Variants in NRXN3 observed in about 807,000 individuals in gnomAD.
NRXN3 encodes neurexin III.
A neutral mutation model predicts 137.6 loss-of-function variants in NRXN3; 32 were observed. The ratio of observed to expected loss-of-function variants is 0.23; its 90% CI spans 0.18 to 0.31. The LOEUF is 0.31. Ranked by LOEUF, NRXN3 falls within the 10% of genes least tolerant of loss-of-function variation. The pLI is 1.00. For missense variants in NRXN3, 1,574 were observed against 2,062.5 expected (o/e 0.76, Z 4.59); for synonymous variants, 798 against 784.5 (o/e 1.02, Z -0.29).
At chr14:78,861,658 T>A (rs1257216284) in intron 10 of NRXN3, among the ~76,000 whole-genome samples, 3 of 152,162 alleles carry the variant, frequency 2.0e-5, no homozygotes, top group Non-Finnish European at 2.9e-5. Flanking sequence ...AGAGAAACCA[T>A]CCATGTTCAC....
At chr14:79,140,573 C>CTGTGTGTG (rs3035591) in intron 15 of NRXN3, among the ~76,000 whole-genome samples, 5,917 of 143,828 alleles carry the variant, frequency 0.041, 172 homozygotes, top group African/African-American at 0.07. Context: ...CCCCACCTCA[C>CTGTGTGTG]TGTGTGTGTG....
At chr14:78,902,836 T>C (rs981620552) in intron 10 of NRXN3, among the ~76,000 whole-genome samples, 35 of 151,316 alleles carry the variant, frequency 2.3e-4, no homozygotes, top group African/African-American at 8.2e-4. Context: ...GAAATACATA[T>C]ATTAAATATT....
intron 16 of NRXN3, among the ~76,000 whole-genome samples, chr14:79,496,480 C>A (rs1221662852): frequency 6.6e-6 from 1 of 152,140 alleles, no homozygotes; most frequent in African/African-American, 2.4e-5. Flanking sequence ...ACAGTGTAGT[C>A]ATTCTTGGTG....
intron 4 of NRXN3, among the ~76,000 whole-genome samples, chr14:78,340,552 C>A (rs929826425): frequency 6.6e-6 from 1 of 152,106 alleles, no homozygotes; most frequent in Non-Finnish European, 1.5e-5. Context: ...ACATCCAGGG[C>A]CTTAGTGTTG....
At chr14:78,269,218 A>C (rs969520822) in intron 2 of NRXN3, among the ~76,000 whole-genome samples, 22 of 152,182 alleles carry the variant, frequency 1.4e-4, no homozygotes, top group African/African-American at 5.1e-4. Flanking sequence ...GGCTTCTGTA[A>C]CTAAAATGTG....
chr14:79,577,813 G>T (rs913770145), intron 16 of NRXN3, among the ~76,000 whole-genome samples: 2 of 152,120 alleles, frequency 1.3e-5, no homozygotes, highest in Admixed American at 1.3e-4. Flanking sequence ...TTTGAGGTCC[G>T]GATCAATACA....
intron 15 of NRXN3, among the ~76,000 whole-genome samples, chr14:79,346,964 G>A (rs2092918901): frequency 6.6e-6 from 1 of 152,082 alleles, no homozygotes; most frequent in Non-Finnish European, 1.5e-5. Context: ...TTAATACACT[G>A]AAAATGCCAC....
intron 4 of NRXN3, among the ~76,000 whole-genome samples, chr14:78,341,133 G>C (rs1279883858): frequency 6.6e-6 from 1 of 152,066 alleles, no homozygotes; most frequent in East Asian, 1.9e-4. Context: ...TGCAACTTTG[G>C]TAATAGTGGC....
rs2099418745 is a variant in NRXN3, at chr14:79,868,069, A to C, written c.*6105A>C. On this transcript the variant is annotated 3_prime_UTR_variant, in exon 21 of 21. Transcript: ENST00000335750. ...GCTAAGGCTCAGCTTTCATACCTAT[A>C]ATTTTGTTATACTTATCTTGCAGGT... The C allele has an allele frequency of 6.6e-6, 1 of 152,114 alleles. No individual in the cohort carries two copies. Among genetic ancestry groups the C allele is most frequent in the Admixed American group, 6.5e-5 (1 of 15,278 alleles). 9.4% of individuals were successfully genotyped at this position (152,114 alleles called of 1,614,324 possible).
intron 10 of NRXN3, among the ~76,000 whole-genome samples, chr14:78,868,596 G>A (rs1019994427): frequency 1.3e-5 from 2 of 152,014 alleles, no homozygotes; most frequent in African/African-American, 4.8e-5. Context: ...GAGGTGGGTG[G>A]ATCACCTGAG....
intron 8 of NRXN3, among the ~76,000 whole-genome samples, chr14:78,801,205 C>T (rs1366142256): frequency 1.3e-5 from 2 of 152,102 alleles, no homozygotes; most frequent in African/African-American, 2.4e-5. Context: ...CCTGTAGTCC[C>T]AGCTACTTGC....
intron 19 of NRXN3, among the ~76,000 whole-genome samples, chr14:79,738,580 C>A (rs1375349059): frequency 6.6e-6 from 1 of 152,134 alleles, no homozygotes; most frequent in African/African-American, 2.4e-5. Context: ...TTTTTTGAGA[C>A]AGAGTTTCAC....
At chr14:78,808,707 A>G (rs1387826549) in intron 9 of NRXN3, among the ~76,000 whole-genome samples, 1 of 152,108 alleles carries the variant, frequency 6.6e-6, no homozygotes, top group African/African-American at 2.4e-5. Context: ...TTCTCAAGAG[A>G]TGTTCTTCTC....
At chr14:78,692,140 A>T (rs201445902) in intron 6 of NRXN3, among the ~76,000 whole-genome samples, 1 of 152,226 alleles carries the variant, frequency 6.6e-6, no homozygotes, top group East Asian at 1.9e-4. Flanking sequence ...AGGAAGCATT[A>T]ATGAAACACC....
chr14:79,676,159 C>T (rs557311503), intron 17 of NRXN3, among the ~76,000 whole-genome samples: 1 of 152,146 alleles, frequency 6.6e-6, no homozygotes, highest in East Asian at 1.9e-4. Flanking sequence ...AGCCATTGAT[C>T]TGATGTTCTG....
chr14:79,317,883 C>T (rs748018640), intron 15 of NRXN3, among the ~76,000 whole-genome samples: 1 of 152,058 alleles, frequency 6.6e-6, no homozygotes, highest in Non-Finnish European at 1.5e-5. Context: ...TGGGAGTGGG[C>T]TGAATCCACA....
chr14:79,532,333 G>T (rs1305191387), intron 16 of NRXN3, among the ~76,000 whole-genome samples: 1 of 152,086 alleles, frequency 6.6e-6, no homozygotes, highest in Non-Finnish European at 1.5e-5. Flanking sequence ...AATTAATTTT[G>T]ATATTTAAAA....
At chr14:78,548,504 T>A (rs2096657090) in intron 4 of NRXN3, among the ~76,000 whole-genome samples, 1 of 152,146 alleles carries the variant, frequency 6.6e-6, no homozygotes, top group South Asian at 2.1e-4. Flanking sequence ...TTTTAAAAAA[T>A]AAACTCCACA....
intron 15 of NRXN3, among the ~76,000 whole-genome samples, chr14:79,293,143 A>G (rs1411316941): frequency 6.6e-5 from 10 of 152,146 alleles, no homozygotes; most frequent in Non-Finnish European, 1.3e-4. Flanking sequence ...TTAGCTATTA[A>G]AGACTGGTTA....
Sources: allele counts gnomAD v4.1 joint callset (sites outside exome capture counted in the v4.1 genomes callset), GRCh38; gene constraint gnomAD v4.1.1; transcripts MANE v1.5; gene names NCBI Gene and HGNC (gene_info 2026-07-23, HGNC 2026-07-21).